The following PSKH1 variants were observed in gnomAD, a reference collection of about 807,000 sequenced individuals.
The protein encoded by PSKH1 is serine/threonine-protein kinase H1.
Under a neutral mutation model 26.7 loss-of-function variants are expected in PSKH1, and 12 were observed. That is an observed-to-expected ratio of 0.45 (90% CI 0.29 to 0.73). The LOEUF is 0.73. PSKH1 is among the 30% of genes least tolerant of loss of function. The probability of loss-of-function intolerance (pLI) is 0.11; values close to 1 mark genes in which losing one functional copy is unlikely to be tolerated. For synonymous variants in PSKH1, 213 were observed against 234.3 expected (o/e 0.91, Z 0.83); for missense variants, 431 against 595.2 (o/e 0.72, Z 2.87).
At chr16:67,914,717 G>A (rs1449515792) in intron 2 of PSKH1, among the ~76,000 whole-genome samples, 1 of 152,186 alleles carries the variant, frequency 6.6e-6, no homozygotes, top group African/African-American at 2.4e-5. Flanking sequence ...GCTTCCCAAA[G>A]TGCTAGGATT....
At chr16:67,912,082 A>C (rs1238340259) in intron 2 of PSKH1, among the ~76,000 whole-genome samples, 1 of 152,206 alleles carries the variant, frequency 6.6e-6, no homozygotes, top group Non-Finnish European at 1.5e-5. Context: ...AGCCTTGTGG[A>C]GAACTCAGTC....
intron 2 of PSKH1, among the ~76,000 whole-genome samples, chr16:67,910,435 A>G (rs747643990): frequency 6.6e-5 from 10 of 152,238 alleles, no homozygotes; most frequent in Non-Finnish European, 1.2e-4. Context: ...TCACCACACA[A>G]TGAGGACCTC....
At position 67,909,240 on chromosome 16, in the gene PSKH1, C is replaced by A; in HGVS notation, c.491C>A (p.Thr164Lys). 1.2e-6 allele frequency: 2 copies of A among 1,614,082 alleles called. No individual in the cohort carries two copies. Among genetic ancestry groups the A allele is most frequent in the Non-Finnish European group, 1.7e-6 (2 of 1,180,024 alleles). ...ATCCAGCTGGTGGAGGTGTTCGAGA[C>A]ACAGGAGCGGGTGTACATGGTGATG... ...NIIQLVEVFE[T>K]QERVYMVMEL... Residue 164 changes from threonine (T) to lysine (K), a missense_variant, in exon 2 of 3, where the codon ACA becomes AAA. Transcript: ENST00000291041. This position sits in a 1 kb window ranked among gnomAD's most constrained non-coding sequence, Gnocchi z 7.8.
chr16:67,905,885 A>T (rs550880013), intron 1 of PSKH1, among the ~76,000 whole-genome samples: 2 of 152,092 alleles, frequency 1.3e-5, no homozygotes, highest in Non-Finnish European at 2.9e-5. Context: ...ATTTGTTTTT[A>T]TGCTTTTCTC....
intron 2 of PSKH1, among the ~76,000 whole-genome samples, chr16:67,914,973 C>T (rs1208745008): frequency 6.6e-6 from 1 of 152,112 alleles, no homozygotes; most frequent in Non-Finnish European, 1.5e-5. Flanking sequence ...TTCTGGCAGT[C>T]GTTGACCTGG....
chr16:67,909,023 C>A lies in PSKH1; in HGVS notation c.274C>A (p.Pro92Thr). 1 of 1,614,170 alleles carries A rather than the reference C, an allele frequency of 6.2e-7. No individual in the cohort carries two copies. Among genetic ancestry groups the A allele is most frequent in the Non-Finnish European group, 8.5e-7 (1 of 1,180,032 alleles). ...AGCTAAGTACAGGGCCAAGTTTGAC[C>A]CACGTGTTACAGCTAAGTATGACAT... ...RVAKYRAKFD[P>T]RVTAKYDIKA... Residue 92 changes from proline (P) to threonine (T), a missense_variant, in exon 2 of 3, where the codon CCA becomes ACA. Pro to Thr is a conservative substitution (Grantham distance 38). Coordinates refer to ENST00000291041, the MANE Select transcript of PSKH1 (RefSeq NM_006742.3). This position sits in a 1 kb window ranked among gnomAD's most constrained non-coding sequence, Gnocchi z 7.8.
At position 67,927,543 on chromosome 16, in the gene PSKH1, G is replaced by A. The variant is rs1343676791; in HGVS notation, c.1176G>A (p.Thr392=). The change falls in exon 3 of 3, where the codon ACG becomes ACA. Residue 392 remains threonine, a synonymous_variant. Coordinates refer to ENST00000291041, the MANE Select transcript of PSKH1 (RefSeq NM_006742.3). The surrounding 1 kb of genome is among the most constrained non-coding windows in gnomAD (Gnocchi z 5.5). ...RCQSTKSAQS[T]RSSRSTRSNK... ...AGAGCACCAAATCTGCCCAGTCCACGCGTTCCAGCCGCTCCACACGCTCCA... is the reference window on the plus strand; with the variant it reads ...AGAGCACCAAATCTGCCCAGTCCACACGTTCCAGCCGCTCCACACGCTCCA... The A allele has an allele frequency of 5.0e-6, 8 of 1,613,902 alleles. No homozygotes were observed. The highest frequency in any genetic ancestry group is 1.6e-4 in the Middle Eastern group (1 of 6,062).
At chr16:67,911,946 C>T (rs569577447) in intron 2 of PSKH1, among the ~76,000 whole-genome samples, 51 of 152,316 alleles carry the variant, frequency 3.3e-4, no homozygotes, top group Non-Finnish European at 5.9e-4. Flanking sequence ...TCTGTTTGTA[C>T]CACTCTTAGG....
chr16:67,908,106 C>G (rs1312326306), intron 1 of PSKH1, among the ~76,000 whole-genome samples: 2 of 152,120 alleles, frequency 1.3e-5, no homozygotes, highest in African/African-American at 4.8e-5. Context: ...GTGTTCCTGC[C>G]CCCTCTCAGG....
At chr16:67,914,945 GT>G (rs1409646000) in intron 2 of PSKH1, among the ~76,000 whole-genome samples, 1 of 152,162 alleles carries the variant, frequency 6.6e-6, no homozygotes, top group East Asian at 1.9e-4. Flanking sequence ...AAGCCTGTAG[GT>G]TTGCCTGAGT....
chr16:67,929,435 A>G lies in PSKH1; in HGVS notation c.*1793A>G. On this transcript the variant is annotated 3_prime_UTR_variant, in exon 3 of 3. Coordinates refer to ENST00000291041, the MANE Select transcript of PSKH1 (RefSeq NM_006742.3). ...CTCAGAATTTCCCCCCAGTTCCCCA[A>G]GTGTCTCTGGGGACCTGAAGCCCTG... The G allele has an allele frequency of 6.3e-6, 1 of 158,414 alleles. No homozygotes were observed. Among genetic ancestry groups the G allele is most frequent in the South Asian group, 1.8e-4 (1 of 5,582 alleles). The allele number at this position is 158,414 out of a possible 1,614,324, so 9.8% of individuals were successfully genotyped here. A position where few individuals can be genotyped will look rare whatever the true frequency, so the allele number is the denominator to read the frequency against.
chr16:67,925,204 T>A (rs969674832), intron 2 of PSKH1, among the ~76,000 whole-genome samples: 13 of 151,784 alleles, frequency 8.6e-5, no homozygotes, highest in African/African-American at 2.9e-4. Context: ...GAATATTTTT[T>A]TTTTTTTTTT....
intron 1 of PSKH1, among the ~76,000 whole-genome samples, chr16:67,905,089 G>A (rs113077852): frequency 1.5e-3 from 222 of 151,984 alleles, no homozygotes; most frequent in African/African-American, 5.2e-3. Flanking sequence ...GCCTCCCAAA[G>A]TGCTGGGATT....
At chr16:67,912,551 C>G (rs140021995) in intron 2 of PSKH1, among the ~76,000 whole-genome samples, 1 of 152,336 alleles carries the variant, frequency 6.6e-6, no homozygotes, top group Non-Finnish European at 1.5e-5. Context: ...TTGGCACAAT[C>G]TGTGGCTATA....
intron 2 of PSKH1, among the ~76,000 whole-genome samples, chr16:67,923,192 G>A (rs769003022): frequency 2.0e-5 from 3 of 152,192 alleles, no homozygotes; most frequent in Non-Finnish European, 4.4e-5. Flanking sequence ...GATGAGGAAG[G>A]CTAGTTGGTA....
intron 1 of PSKH1, among the ~76,000 whole-genome samples, chr16:67,894,070 C>A (rs2058119524): frequency 6.6e-6 from 1 of 152,242 alleles, no homozygotes; most frequent in Admixed American, 6.5e-5. Context: ...CCAATCAACA[C>A]CGGAGCACTT....
intron 2 of PSKH1, among the ~76,000 whole-genome samples, chr16:67,916,702 C>T (rs148401639): frequency 6.6e-6 from 1 of 152,198 alleles, no homozygotes; most frequent in African/African-American, 2.4e-5. Flanking sequence ...ATAATTCCAT[C>T]CTGTCCTCCT....
At chr16:67,908,149 A>T (rs554160460) in intron 1 of PSKH1, among the ~76,000 whole-genome samples, 2 of 152,224 alleles carry the variant, frequency 1.3e-5, no homozygotes, top group Admixed American at 6.5e-5. Context: ...AGGCCCAGGG[A>T]GATGAGTCAA....
intron 1 of PSKH1, among the ~76,000 whole-genome samples, chr16:67,894,575 A>G (rs2058120865): frequency 6.6e-6 from 1 of 152,206 alleles, no homozygotes; most frequent in Non-Finnish European, 1.5e-5. Context: ...TTCCTAGGAA[A>G]AAAATCTACC....
Sources: allele counts gnomAD v4.1 joint callset (sites outside exome capture counted in the v4.1 genomes callset), GRCh38; gene constraint gnomAD v4.1.1; non-coding constraint Gnocchi (gnomAD v3.1); transcripts MANE v1.5; gene names NCBI Gene and HGNC (gene_info 2026-07-23, HGNC 2026-07-21).